The following SH3RF3 variants were observed in gnomAD, a reference collection of about 807,000 sequenced individuals.
The protein encoded by SH3RF3 is SH3 domain containing ring finger 3.
SH3RF3 carries 29 observed loss-of-function variants against 66.3 expected under a neutral mutation model. That is an observed-to-expected ratio of 0.44 (90% CI 0.33 to 0.60). The LOEUF is 0.60. Among genes scored for constraint, SH3RF3 ranks in the 20% least tolerant of loss-of-function variants. The probability of loss-of-function intolerance (pLI) is 0.04; values close to 1 mark genes in which losing one functional copy is unlikely to be tolerated. For missense variants in SH3RF3, 1,194 were observed against 1,190.9 expected (o/e 1.00, Z -0.04); for synonymous variants, 583 against 532.0 (o/e 1.10, Z -1.32).
chr2:109,182,091 T>C (rs942661285), intron 1 of SH3RF3, among the ~76,000 whole-genome samples: 2 of 152,214 alleles, frequency 1.3e-5, no homozygotes, highest in African/African-American at 2.4e-5. Flanking sequence ...AGGTAATTGC[T>C]TCACCTGTTG....
At chr2:109,269,942 C>CT (rs751615052) in intron 1 of SH3RF3, among the ~76,000 whole-genome samples, 11 of 152,214 alleles carry the variant, frequency 7.2e-5, no homozygotes, top group Non-Finnish European at 1.6e-4. Context: ...TACTAATAAG[C>CT]TGGTTGTACA....
intron 4 of SH3RF3, among the ~76,000 whole-genome samples, chr2:109,417,046 G>A (rs1391971379): frequency 3.3e-5 from 5 of 152,284 alleles, no homozygotes; most frequent in South Asian, 2.1e-4. Context: ...TCAGTGTGTC[G>A]AGCCTGTTGT....
At chr2:109,357,911 A>G (rs1037082009) in intron 2 of SH3RF3, among the ~76,000 whole-genome samples, 1 of 152,220 alleles carries the variant, frequency 6.6e-6, no homozygotes, top group African/African-American at 2.4e-5. Context: ...CAATGAGCCT[A>G]TATTGACAAA....
intron 1 of SH3RF3, among the ~76,000 whole-genome samples, chr2:109,246,775 G>A (rs1285978354): frequency 6.6e-5 from 10 of 152,250 alleles, no homozygotes; most frequent in Non-Finnish European, 1.2e-4. Flanking sequence ...TGAGCCTGGA[G>A]AGCCTCGCTT....
intron 8 of SH3RF3, among the ~76,000 whole-genome samples, chr2:109,466,945 CTATA>C (rs72457591): frequency 0.04 from 6,126 of 151,824 alleles, 227 homozygotes; most frequent in African/African-American, 0.096. Context: ...ATGTGTGTGT[CTATA>C]TATCTGTGTG....
chr2:109,468,769 G>A (rs953882799), intron 8 of SH3RF3, among the ~76,000 whole-genome samples: 3 of 149,630 alleles, frequency 2.0e-5, no homozygotes, highest in Admixed American at 6.7e-5. Flanking sequence ...CAGGTTAATC[G>A]CTTGAGCCTG....
In SH3RF3 at chr2:109,129,649, G is replaced by A; in HGVS notation, c.109G>A (p.Ala37Thr). Residue 37 changes from alanine (A) to threonine (T), a missense_variant, in exon 1 of 10, where the codon GCC (alanine) becomes ACC (threonine). Ala to Thr is a moderately conservative substitution (Grantham distance 58). Coordinates refer to ENST00000309415, the MANE Select transcript of SH3RF3 (RefSeq NM_001099289.3). ...CGAGCGACGGCGGCGTCGGGCGGCG[G>A]CCACCGCCGCGGGGGCGGGCGAGGA... ...PGERRRRRAA[A>T]TAAGAGEDMD... The A allele has an allele frequency of 1.3e-6, 2 of 1,501,906 alleles. No individual in the cohort carries two copies. The highest frequency in any genetic ancestry group is 2.7e-5 in the East Asian group (1 of 36,676). The allele number at this position is 1,501,906 out of a possible 1,614,324, so 93.0% of individuals were successfully genotyped here. A position where few individuals can be genotyped will look rare whatever the true frequency, so the allele number is the denominator to read the frequency against.
intron 1 of SH3RF3, among the ~76,000 whole-genome samples, chr2:109,133,694 C>T (rs535082092): frequency 1.3e-5 from 2 of 150,406 alleles, no homozygotes; most frequent in East Asian, 3.9e-4. Context: ...GTCTTTCATA[C>T]ATGGTCATCT....
intron 8 of SH3RF3, among the ~76,000 whole-genome samples, chr2:109,474,963 G>GT (rs1559103218): frequency 1.6e-4 from 24 of 151,338 alleles, no homozygotes; most frequent in African/African-American, 2.9e-4. Flanking sequence ...GTTTTGTTTG[G>GT]GTTTTTTTTG....
At chr2:109,386,038 T>G (rs1028196124) in intron 3 of SH3RF3, among the ~76,000 whole-genome samples, 2 of 152,208 alleles carry the variant, frequency 1.3e-5, no homozygotes, top group Non-Finnish European at 2.9e-5. Flanking sequence ...AGCTGAGGGA[T>G]GAGCTGGAAT....
At chr2:109,391,160 C>G (rs1356590311) in intron 3 of SH3RF3, among the ~76,000 whole-genome samples, 1 of 152,262 alleles carries the variant, frequency 6.6e-6, no homozygotes, top group Non-Finnish European at 1.5e-5. Flanking sequence ...AAAGCCTTGC[C>G]TGTACTCAGG....
intron 1 of SH3RF3, among the ~76,000 whole-genome samples, chr2:109,267,237 A>C (rs1356706435): frequency 6.6e-6 from 1 of 152,094 alleles, no homozygotes; most frequent in Non-Finnish European, 1.5e-5. Flanking sequence ...TAGGAAGTGC[A>C]TGTAAAGGCA....
intron 4 of SH3RF3, among the ~76,000 whole-genome samples, chr2:109,404,060 C>T (rs1676386521): frequency 6.6e-6 from 1 of 152,174 alleles, no homozygotes; most frequent in Non-Finnish European, 1.5e-5. Flanking sequence ...CTGCTTTCTG[C>T]TCCAGGAGCC....
rs1030865739 is a variant in SH3RF3, at chr2:109,347,664, TTGCTTGCAGAATCCCTGCC to T, written c.574-4_588del. On this transcript the variant is annotated splice_acceptor_variant and splice_polypyrimidine_tract_variant and coding_sequence_variant and intron_variant, in exon 2 of 10. Coordinates refer to ENST00000309415, the MANE Select transcript of SH3RF3 (RefSeq NM_001099289.3). LOFTEE classifies it high-confidence loss of function. ...ATGCCCGGTGACCACATGCTGTCTGTTGCTTGCAGAATCCCTGCCTGCTTCCCTATGGCAAGGCCCTCTA... is the reference window on the plus strand; with the variant it reads ...ATGCCCGGTGACCACATGCTGTCTGTTGCTTCCCTATGGCAAGGCCCTCTA... 2.5e-5 allele frequency: 40 copies of T among 1,612,418 alleles called. No individual in the cohort carries two copies. Among genetic ancestry groups the T allele is most frequent in the Non-Finnish European group, 3.1e-5 (37 of 1,178,910 alleles).
In SH3RF3 at chr2:109,129,698, A is replaced by G; in HGVS notation, c.158A>G (p.Asp53Gly). 6.5e-7 allele frequency: 1 copy of G among 1,531,342 alleles called. No homozygotes were observed. The highest frequency in any genetic ancestry group is 8.7e-7 in the Non-Finnish European group (1 of 1,143,268). The allele number at this position is 1,531,342 out of a possible 1,614,324, so 94.9% of individuals were successfully genotyped here. A position where few individuals can be genotyped will look rare whatever the true frequency, so the allele number is the denominator to read the frequency against. ...GACATGGACGAGTCGTCGCTGCTGG[A>G]CCTGCTGGAGTGCTCCGTGTGTCTG... Reference protein sequence around the residue: ...GEDMDESSLLDLLECSVCLER... With the variant: ...GEDMDESSLLGLLECSVCLER... The change falls in exon 1 of 10, where the codon GAC becomes GGC. Residue 53 changes from aspartate to glycine, a missense_variant. Coordinates refer to ENST00000309415, the MANE Select transcript of SH3RF3 (RefSeq NM_001099289.3).
At chr2:109,221,981 T>TA (rs200758836) in intron 1 of SH3RF3, among the ~76,000 whole-genome samples, 11,114 of 145,316 alleles carry the variant, frequency 0.076, 1,343 homozygotes, top group African/African-American at 0.26. Flanking sequence ...ATGAATGGAT[T>TA]AAAAAAAAAA....
intron 1 of SH3RF3, among the ~76,000 whole-genome samples, chr2:109,277,387 C>T (rs191533328): frequency 2.6e-5 from 4 of 152,262 alleles, no homozygotes; most frequent in East Asian, 1.9e-4. Flanking sequence ...ACCCCGGCCT[C>T]GGTGATGGAA....
At chr2:109,377,270 C>T (rs1237410831) in intron 3 of SH3RF3, among the ~76,000 whole-genome samples, 1 of 152,094 alleles carries the variant, frequency 6.6e-6, no homozygotes, top group African/African-American at 2.4e-5. Context: ...GCCAGCGGGG[C>T]GTTGGTCTGT....
intron 8 of SH3RF3, among the ~76,000 whole-genome samples, chr2:109,468,904 G>GA (rs1678430736): frequency 6.7e-6 from 1 of 149,998 alleles, no homozygotes; most frequent in Non-Finnish European, 1.5e-5. Context: ...TTCTCATGGT[G>GA]ACGTTTTCAA....
Sources: gnomAD v4.1 joint callset for allele counts (sites outside exome capture counted in the v4.1 genomes callset) on GRCh38, gnomAD v4.1.1 for gene constraint, MANE v1.5 for transcripts, NCBI Gene and HGNC (gene_info 2026-07-23, HGNC 2026-07-21) for gene names.